Variants in TTN observed in about 807,000 individuals in gnomAD.
TTN encodes connectin.
Under a neutral mutation model 3,223.0 loss-of-function variants are expected in TTN, and 1,525 were observed. The observed-to-expected ratio is 0.47, with a 90% confidence interval of 0.45 to 0.49. The LOEUF is 0.49. TTN is among the 20% of genes least tolerant of loss of function. TTN has a pLI of 0.00. For missense variants in TTN, 40,786 were observed against 43,424.0 expected, an observed-to-expected ratio of 0.94 and a Z score of 5.40; for synonymous variants, 14,094 against 15,161.0, an observed-to-expected ratio of 0.93 and a Z score of 5.17.
At position 178,609,756 on chromosome 2, in the gene TTN, G is replaced by A. The variant is rs748956593; in HGVS notation, c.51667C>T (p.Arg17223Ter). 5.0e-6 allele frequency: 8 copies of A among 1,612,564 alleles called. No homozygotes were observed. Among genetic ancestry groups the A allele is most frequent in the Admixed American group, 1.7e-5 (1 of 59,946 alleles). Residue 17223 changes from arginine to a stop codon, truncating the protein, a stop_gained, in exon 272 of 363, where the codon CGA becomes TGA. Transcript: ENST00000589042. LOFTEE classifies it high-confidence loss of function. ...EEGKEYQFRV[R>*]AENAAGISEP... ...CTAATACCCGCGGCGTTCTCTGCTC[G>A]CACACGGAATTGGTACTCTTTCCCC...
Position 178,722,287 on chromosome 2 carries a change from T to A in TTN, c.22500A>T (p.Ala7500=), listed in dbSNP as rs757003919. Residue 7500 remains alanine, a synonymous_variant, in exon 77 of 363, where the codon GCA becomes GCT. Coordinates refer to ENST00000589042, the MANE Select transcript of TTN (RefSeq NM_001267550.2). ...SCSASNPLGT[A]SSSARLTARE... is the part of the protein sequence containing the mutation. ...TTGCTGTGAGTCTAGCACTAGAAGA[T>A]GCTGTTCCAAGTGGGTTGGAAGCTG... The A allele has an allele frequency of 1.2e-5, 20 of 1,604,606 alleles. No individual in the cohort carries two copies. The highest frequency in any genetic ancestry group is 1.2e-4 in the Admixed American group (7 of 59,334).
At position 178,545,817 on chromosome 2, in the gene TTN, T is replaced by TA; in HGVS notation, c.95416+2dup. On this transcript the variant is annotated splice_region_variant and intron_variant, in intron 343 of 362. Coordinates refer to ENST00000589042, the MANE Select transcript of TTN (RefSeq NM_001267550.2). ...CAAATTATTTAAAAGTGTTAATACT[T>TA]ACTGAATGAGTTTCTGGCTACAATT... The TA allele has an allele frequency of 6.2e-7, 1 of 1,612,694 alleles. No homozygotes were observed. The highest frequency in any genetic ancestry group is 8.5e-7 in the Non-Finnish European group (1 of 1,178,884).
At position 178,683,994 on chromosome 2, in the gene TTN, T is replaced by C. The variant is rs755370435; in HGVS notation, c.32806+5A>G. The C allele has an allele frequency of 7.6e-6, 12 of 1,577,658 alleles. No homozygotes were observed. In the Admixed American group the frequency reaches 2.2e-4, roughly 29 times the overall value. On this transcript the variant is annotated splice_donor_5th_base_variant and intron_variant, in intron 133 of 362. Transcript: ENST00000589042. The stretch of plus-strand genomic sequence containing the variant: ...TTTTTTTTTTTTTTTTAAGAGTCAG[T>C]ATACCTTTAGCTGGTGGTTCCTCCT...
chr2:178,795,033 C>G lies in TTN; in HGVS notation c.1134G>C (p.Gly378=), dbSNP rs1392776809. ...TCACTTGCTCCTGGACACCGTATCT[C>G]CCTTCCCATCTCTCTTCTGTCCTGA... ...TQIRTEERWE[G]RYGVQEQVTI... Residue 378 remains glycine, a synonymous_variant, in exon 7 of 363, where the codon GGG becomes GGC. Transcript: ENST00000589042. 6.2e-7 allele frequency: 1 copy of G among 1,612,880 alleles called. No individual in the cohort carries two copies. The highest frequency in any genetic ancestry group is 8.5e-7 in the Non-Finnish European group (1 of 1,180,016).
chr2:178,579,884 T>C (rs747675547), intron 318 of TTN, 36 bp from the exon 319 acceptor site: 12 of 1,612,000 alleles, frequency 7.4e-6, no homozygotes, highest in Non-Finnish European at 1.0e-5. Flanking sequence ...GTAAGCCCCA[T>C]ATAACAAAGG....
At chr2:178,693,366 T>C (rs2072921915) in intron 119 of TTN, among the ~76,000 whole-genome samples, 1 of 152,098 alleles carries the variant, frequency 6.6e-6, no homozygotes, top group South Asian at 2.1e-4. Context: ...TATTTCCAAG[T>C]AACAGGTTAC....
chr2:178,677,554 C>G (rs560005015), intron 146 of TTN, 67 bp downstream of exon 146: 2 of 1,474,484 alleles, frequency 1.4e-6, no homozygotes, highest in East Asian at 2.3e-5. Context: ...TGGAGATGAA[C>G]AAAAGGATGG....
At position 178,535,691 on chromosome 2, in the gene TTN, A is replaced by C. The variant is rs774270109; in HGVS notation, c.100924T>G (p.Tyr33642Asp). The change falls in exon 358 of 363, where the codon TAC becomes GAC. Residue 33642 changes from tyrosine to aspartate, a missense_variant. Tyr to Asp is a radical substitution (Grantham distance 160, BLOSUM62 -3). Transcript: ENST00000589042. ...AAGGATCTTGTGACAATAACTTGGT[A>C]GTGGCCATTATTGTCAATGAGATCT... The part of the protein sequence containing the change: ...GQDLIDNNGH[Y>D]QVIVTRSFTS... 3.1e-6 allele frequency: 5 copies of C among 1,613,710 alleles called. No individual in the cohort carries two copies. The highest frequency in any genetic ancestry group is 4.2e-6 in the Non-Finnish European group (5 of 1,179,780).
Position 178,633,552 on chromosome 2 carries a change from A to G in TTN, c.42807T>C (p.Ile14269=), listed in dbSNP as rs778681091. ...TGATAGAATATTTGGGTGAAGGGACAATCTCTTCACCATCTTTGAACCATT... is the reference window on the plus strand; with the variant it reads ...TGATAGAATATTTGGGTGAAGGGACGATCTCTTCACCATCTTTGAACCATT... ...PVKWFKDGEE[I]VPSPKYSIKA... is the part of the protein sequence containing the mutation. The change falls in exon 232 of 363, where the codon ATT becomes ATC. Residue 14269 remains isoleucine (I), a synonymous_variant. Coordinates refer to ENST00000589042, the MANE Select transcript of TTN (RefSeq NM_001267550.2). 1.9e-6 allele frequency: 3 copies of G among 1,613,416 alleles called. No individual in the cohort carries two copies. The South Asian group carries it at 3.3e-5, about 18-fold the overall frequency.
intron 107 of TTN, 38 bp downstream of exon 107, chr2:178,702,416 A>C: frequency 6.2e-7 from 1 of 1,612,224 alleles, no homozygotes; most frequent in Non-Finnish European, 8.5e-7. Context: ...GACGAGGCTT[A>C]AATTATACAT....
At position 178,565,773 on chromosome 2, in the gene TTN, C is replaced by A; in HGVS notation, c.80359G>T (p.Val26787Phe). ...GTCTGGGACACATCAGTGAGTGTAACCTTTCCTGGTGGGGAAGGAGGTTCA... is the reference window on the plus strand; with the variant it reads ...GTCTGGGACACATCAGTGAGTGTAAACTTTCCTGGTGGGGAAGGAGGTTCA... Reference protein sequence around the residue: ...AAEPPSPPGKVTLTDVSQTSA... With the variant: ...AAEPPSPPGKFTLTDVSQTSA... The change falls in exon 326 of 363, where the codon GTT becomes TTT. Residue 26787 changes from valine (V) to phenylalanine (F), a missense_variant. Transcript: ENST00000589042. 6.2e-7 allele frequency: 1 copy of A among 1,613,598 alleles called. No individual in the cohort carries two copies.
intron 106 of TTN, 143 bp from the exon 107 acceptor site, chr2:178,702,806 G>T: frequency 1.3e-6 from 1 of 762,154 alleles, no homozygotes; most frequent in East Asian, 2.7e-5. Context: ...AAAATGAGAA[G>T]AAATGCACTC....
intron 321 of TTN, 86 bp from the exon 322 acceptor site, chr2:178,578,271 C>G: frequency 8.5e-7 from 1 of 1,175,014 alleles, no homozygotes; most frequent in Non-Finnish European, 1.2e-6. Context: ...TATACATATC[C>G]ATATATATTG....
chr2:178,589,117 T>C lies in TTN; in HGVS notation c.62608A>G (p.Asn20870Asp). 4 of 1,612,112 alleles carry C rather than the reference T, an allele frequency of 2.5e-6. No individual in the cohort carries two copies. Among genetic ancestry groups the C allele is most frequent in the Non-Finnish European group, 3.4e-6 (4 of 1,179,592 alleles). Reference sequence around the variant, plus strand: ...CTGGACACATCAACAATTTTCAGATTTCTCACAGGACCAGGCTTATCTAAA... The same window carrying C: ...CTGGACACATCAACAATTTTCAGATCTCTCACAGGACCAGGCTTATCTAAA... ...NVLDKPGPVR[N>D]LKIVDVSSDR... is the part of the protein sequence containing the mutation. Residue 20870 changes from asparagine (N) to aspartate (D), a missense_variant, in exon 304 of 363, where the codon AAT (asparagine) becomes GAT (aspartate). Transcript: ENST00000589042.
chr2:178,574,763 C>T lies in TTN; in HGVS notation c.71369G>A (p.Arg23790His), dbSNP rs55677134. ...CTGATACTCTAATCCAGTAGTAAGG[C>T]GGGTGGCTTTATAGGTAGTACGTAT... is the stretch of plus-strand genomic sequence containing the variant. ...TVIRTTYKAT[R>H]LTTGLEYQFR... Residue 23790 changes from arginine (R) to histidine (H), a missense_variant, in exon 326 of 363, where the codon CGC (arginine) becomes CAC (histidine). Physicochemically the swap from Arg to His is conservative, Grantham distance 29. Transcript: ENST00000589042. 7.8e-4 allele frequency: 1,259 copies of T among 1,612,110 alleles called. 23 individuals carry two copies. The East Asian group carries it at 0.026, about 34-fold the overall frequency.
At chr2:178,663,939 T>C in intron 169 of TTN, 37 bp from the exon 170 acceptor site, 1 of 1,612,776 alleles carries the variant, frequency 6.2e-7, no homozygotes, top group Non-Finnish European at 8.5e-7. Flanking sequence ...TTAGGTGTTA[T>C]GAAGACCGCT....
Position 178,677,766 on chromosome 2 carries a change from C to T in TTN, c.34146G>A (p.Glu11382=), listed in dbSNP as rs1560300288. The change falls in exon 146 of 363, where the codon GAG becomes GAA. Residue 11382 remains glutamate (E), a synonymous_variant. Transcript: ENST00000589042. ...TTTCCTCTTCTTCAGGTAGAACTTC[C>T]TCTTCTTCAGGTAGAACTTCCTCTT... is the stretch of plus-strand genomic sequence containing the variant. ...PEEEEVLPEE[E]EVLPEEEEIP... 10 of 1,612,760 alleles carry T rather than the reference C, an allele frequency of 6.2e-6. No homozygotes were observed. In the South Asian group the frequency reaches 9.9e-5, roughly 16 times the overall value.
At chr2:178,613,409 C>A in intron 263 of TTN, 133 bp from the exon 264 acceptor site, 2 of 788,522 alleles carry the variant, frequency 2.5e-6, no homozygotes, top group East Asian at 5.5e-5. Context: ...AAAAGCACTT[C>A]AATATAAATT....
chr2:178,689,338 T>G lies in TTN; in HGVS notation c.31963A>C (p.Arg10655=). The G allele has an allele frequency of 6.2e-7, 1 of 1,613,916 alleles. No individual in the cohort carries two copies. Among genetic ancestry groups the G allele is most frequent in the South Asian group, 1.1e-5 (1 of 91,074 alleles). Residue 10655 remains arginine (R), a synonymous_variant, in exon 124 of 363, where the codon AGG becomes CGG. Transcript: ENST00000589042. ...EIPKKKVPEE[R]KPVPRKEEEV... ...TCCTCCTTCCGAGGAACAGGTTTCC[T>G]TTCTTCAGGAACTTTCTTCTTTGGT... is the stretch of plus-strand genomic sequence containing the variant.
Sources: gnomAD v4.1 joint callset for allele counts (sites outside exome capture counted in the v4.1 genomes callset) on GRCh38, gnomAD v4.1.1 for gene constraint, MANE v1.5 for transcripts, NCBI Gene and HGNC (gene_info 2026-07-23, HGNC 2026-07-21) for gene names.